Variants in KRR1 observed in about 807,000 individuals in gnomAD.
KRR1 encodes the protein KRR1 small subunit processome component.
Under a neutral mutation model 50.0 loss-of-function variants are expected in KRR1, and 23 were observed. The ratio of observed to expected loss-of-function variants is 0.46; its 90% CI spans 0.33 to 0.65. The LOEUF is 0.65. Among genes scored for constraint, KRR1 ranks in the 30% least tolerant of loss-of-function variants. The pLI, the probability that KRR1 is intolerant of heterozygous loss-of-function variation, is 0.02. For missense variants in KRR1, 419 were observed against 442.4 expected, an observed-to-expected ratio of 0.95 and a Z score of 0.47; for synonymous variants, 133 against 146.3, an observed-to-expected ratio of 0.91 and a Z score of 0.66.
intron 9 of KRR1, chr12:75,500,469 A>T (rs1352906427): frequency 1.4e-5 from 2 of 143,136 alleles, no homozygotes; most frequent in Non-Finnish European, 3.1e-5. Context: ...ATATTAATTC[A>T]ATATTAATTG....
intron 9 of KRR1, chr12:75,500,342 A>ATTAAAATAATT (rs1323829634): frequency 6.5e-6 from 1 of 152,874 alleles, no homozygotes; most frequent in African/African-American, 2.4e-5. Context: ...CATCTTGCAC[A>ATTAAAATAATT]TTAAAATAAT....
intron 1 of KRR1, 134 bp downstream of exon 1, chr12:75,511,379 A>C: frequency 2.7e-6 from 2 of 748,778 alleles, no homozygotes; most frequent in Middle Eastern, 2.4e-4. Flanking sequence ...CCAAAATCTT[A>C]TCAGCGATTA....
Position 75,499,030 on chromosome 12 carries a change from T to G in KRR1, c.*779A>C. The stretch of plus-strand genomic sequence containing the variant: ...AAACCAACCTCATTCACATATGGCT[T>G]TTTTTTTAACCAATAACAATTAGGT... On this transcript the variant is annotated 3_prime_UTR_variant, in exon 10 of 10. Transcript: ENST00000229214. 7.9e-7 allele frequency: 1 copy of G among 1,259,584 alleles called. No homozygotes were observed. The highest frequency in any genetic ancestry group is 1.1e-6 in the Non-Finnish European group (1 of 920,618). The allele number at this position is 1,259,584 out of a possible 1,614,324, so 78.0% of individuals were successfully genotyped here.
At chr12:75,507,711 A>C (rs1474962943) in intron 2 of KRR1, among the ~76,000 whole-genome samples, 2 of 152,044 alleles carry the variant, frequency 1.3e-5, no homozygotes, top group African/African-American at 4.8e-5. Flanking sequence ...CACACACACA[A>C]ACAAAGCCAA....
rs2046347099 is a variant in KRR1 at position 75,495,809 on chromosome 12, T to G, written c.*4000A>C. On this transcript the variant is annotated 3_prime_UTR_variant, in exon 10 of 10. Transcript: ENST00000229214. ...AGCAATTAAACCAATGGCTTACTGT[T>G]CTAGGAATACATTTAAGAGAAATTT... 1 of 507,046 alleles carries G rather than the reference T, an allele frequency of 2.0e-6. No homozygotes were observed. Among genetic ancestry groups the G allele is most frequent in the African/African-American group, 2.0e-5 (1 of 50,674 alleles). The allele number at this position is 507,046 out of a possible 1,614,324, so 31.4% of individuals were successfully genotyped here.
Position 75,500,207 on chromosome 12 carries a change from A to G in KRR1, c.1004-256T>C, listed in dbSNP as rs568631196. The G allele has an allele frequency of 2.9e-5, 7 of 238,784 alleles. No individual in the cohort carries two copies. The East Asian group carries it at 6.2e-4, about 21-fold the overall frequency. 14.8% of individuals were successfully genotyped at this position (238,784 alleles called of 1,614,324 possible). A position where few individuals can be genotyped will look rare whatever the true frequency, so the allele number is the denominator to read the frequency against. ...ACAAGTATACATAAAAATGGCATAAATGGCATAATTGAACCAATTACTGGA... is the reference window on the plus strand; with the variant it reads ...ACAAGTATACATAAAAATGGCATAAGTGGCATAATTGAACCAATTACTGGA... On this transcript the variant is annotated intron_variant, in intron 9 of 9. Transcript: ENST00000229214.
In KRR1 at chr12:75,499,770, A is replaced by G; in HGVS notation, c.*39T>C. 6.7e-7 allele frequency: 1 copy of G among 1,495,868 alleles called. No homozygotes were observed. Among genetic ancestry groups the G allele is most frequent in the Non-Finnish European group, 9.0e-7 (1 of 1,115,928 alleles). The allele number at this position is 1,495,868 out of a possible 1,614,324, so 92.7% of individuals were successfully genotyped here. A position where few individuals can be genotyped will look rare whatever the true frequency, so the allele number is the denominator to read the frequency against. Reference sequence around the variant, plus strand: ...AATGCCTGATATCTCAAAATCCTTTACAAAAGGAGATAGTTCTAGTCAAGG... The same window carrying G: ...AATGCCTGATATCTCAAAATCCTTTGCAAAAGGAGATAGTTCTAGTCAAGG... On this transcript the variant is annotated 3_prime_UTR_variant, in exon 10 of 10. Transcript: ENST00000229214.
chr12:75,505,817 A>G (rs1410408291), intron 5 of KRR1, among the ~76,000 whole-genome samples: 1 of 152,112 alleles, frequency 6.6e-6, no homozygotes, highest in Non-Finnish European at 1.5e-5. Flanking sequence ...AGATTTCCTC[A>G]CCACATGTAA....
Position 75,506,980 on chromosome 12 carries a change from C to T in KRR1, c.259-64G>A, listed in dbSNP as rs1485515729. Reference sequence around the variant, plus strand: ...TGAGTTTTTTTAGATAATTATAAAGCCTCTCCTAACCAACCTATTAATTTC... The same window carrying T: ...TGAGTTTTTTTAGATAATTATAAAGTCTCTCCTAACCAACCTATTAATTTC... On this transcript the variant is annotated intron_variant, in intron 2 of 9. Coordinates refer to ENST00000229214, the MANE Select transcript of KRR1 (RefSeq NM_007043.7). 20 of 1,348,734 alleles carry T rather than the reference C, an allele frequency of 1.5e-5. No homozygotes were observed. The East Asian group carries it at 4.2e-4, about 28-fold the overall frequency. 83.5% of individuals were successfully genotyped at this position (1,348,734 alleles called of 1,614,324 possible). A position where few individuals can be genotyped will look rare whatever the true frequency, so the allele number is the denominator to read the frequency against.
In KRR1 at chr12:75,508,307, A is replaced by C; in HGVS notation, c.225T>G (p.Cys75Trp). The C allele has an allele frequency of 1.2e-6, 2 of 1,613,112 alleles. No individual in the cohort carries two copies. Among genetic ancestry groups the C allele is most frequent in the South Asian group, 2.2e-5 (2 of 90,944 alleles). The stretch of plus-strand genomic sequence containing the variant: ...TTAAGGCTTTCTGCACCAATGGCCA[A>C]CACTCTTTCAAGTAAGCTTCCCTGT... Reference protein sequence around the residue: ...PKYREAYLKECWPLVQKALNE... With the variant: ...PKYREAYLKEWWPLVQKALNE... Residue 75 changes from cysteine to tryptophan, a missense_variant, in exon 2 of 10, where the codon TGT (cysteine) becomes TGG (tryptophan). Transcript: ENST00000229214.
chr12:75,502,288 G>A (rs564342173), intron 7 of KRR1: 10 of 261,196 alleles, frequency 3.8e-5, no homozygotes, highest in Non-Finnish European at 6.5e-5. Flanking sequence ...GAGAGTTTTG[G>A]GGAAAATTTG....
chr12:75,494,211 T>G lies in KRR1; in HGVS notation c.*5598A>C, dbSNP rs2046337959. 1 of 152,224 alleles carries G rather than the reference T, an allele frequency of 6.6e-6. No individual in the cohort carries two copies. Among genetic ancestry groups the G allele is most frequent in the Non-Finnish European group, 1.5e-5 (1 of 68,034 alleles). 9.4% of individuals were successfully genotyped at this position (152,224 alleles called of 1,614,324 possible). On this transcript the variant is annotated 3_prime_UTR_variant, in exon 10 of 10. Transcript: ENST00000229214. ...AAAGTTGTGTGTCTAAGGTGAGAGT[T>G]CTCAACTTTGGAGGTAATTGTAGAG...
chr12:75,506,747 C>CA, intron 3 of KRR1, 35 bp downstream of exon 3: 1 of 1,593,112 alleles, frequency 6.3e-7, no homozygotes, highest in Non-Finnish European at 8.5e-7. Context: ...AACACTGATG[C>CA]AAACAAAGCA....
Position 75,505,178 on chromosome 12 carries a change from T to C in KRR1, c.660+20A>G, listed in dbSNP as rs753706459. 2.2e-5 allele frequency: 33 copies of C among 1,530,810 alleles called. No individual in the cohort carries two copies. The highest frequency in any genetic ancestry group is 2.8e-5 in the Non-Finnish European group (31 of 1,121,376). The allele number at this position is 1,530,810 out of a possible 1,614,324, so 94.8% of individuals were successfully genotyped here. On this transcript the variant is annotated intron_variant, in intron 6 of 9. Transcript: ENST00000229214. ...GAAGTATGATAATCACTGGTACAGT[T>C]ATATATAATTACCACTCACTTTAAT... is the stretch of plus-strand genomic sequence containing the variant.
rs138249204 is a variant in KRR1, at chr12:75,495,725, A to G, written c.*4084T>C. 4.3e-4 allele frequency: 413 copies of G among 965,940 alleles called. 2 individuals are homozygous for G. The East Asian group carries it at 7.2e-3, about 17-fold the overall frequency. The allele number at this position is 965,940 out of a possible 1,614,324, so 59.8% of individuals were successfully genotyped here. On this transcript the variant is annotated 3_prime_UTR_variant, in exon 10 of 10. Coordinates refer to ENST00000229214, the MANE Select transcript of KRR1 (RefSeq NM_007043.7). ...ATAGTAACATGTAACTTTCTACAGA[A>G]TTAACAATGAAACCATGTTTTATCT...
chr12:75,511,459 A>C, intron 1 of KRR1, 54 bp downstream of exon 1: 1 of 1,487,318 alleles, frequency 6.7e-7, no homozygotes, highest in Non-Finnish European at 9.4e-7. Context: ...AAAGAAAAAA[A>C]CATCGCAACT....
Position 75,499,801 on chromosome 12 carries a change from T to C in KRR1, c.*8A>G, listed in dbSNP as rs780825933. 17 of 1,592,656 alleles carry C rather than the reference T, an allele frequency of 1.1e-5. No homozygotes were observed. The Admixed American group carries it at 1.8e-4, about 16-fold the overall frequency. Reference sequence around the variant, plus strand: ...GGAGATAGTTCTAGTCAAGGAGTTTTGGGTATGTTACTTTTTTTTCTTCTT... The same window carrying C: ...GGAGATAGTTCTAGTCAAGGAGTTTCGGGTATGTTACTTTTTTTTCTTCTT... On this transcript the variant is annotated 3_prime_UTR_variant, in exon 10 of 10. Coordinates refer to ENST00000229214, the MANE Select transcript of KRR1 (RefSeq NM_007043.7).
Position 75,501,936 on chromosome 12 carries a change from A to AT in KRR1, c.895dup (p.Met299AsnfsTer7). 6.2e-7 allele frequency: 1 copy of AT among 1,612,464 alleles called. No individual in the cohort carries two copies. Among genetic ancestry groups the AT allele is most frequent in the East Asian group, 2.2e-5 (1 of 44,806 alleles). On this transcript the variant is annotated frameshift_variant, in exon 8 of 10. Transcript: ENST00000229214. LOFTEE classifies it high-confidence loss of function. ...AAAGTGCCGTACCTTTATTGCTTCCATTTTCTGCCGCTTCTTCTGATTTGC... is the reference window on the plus strand; with the variant it reads ...AAAGTGCCGTACCTTTATTGCTTCCATTTTTCTGCCGCTTCTTCTGATTTGC...
intron 7 of KRR1, 157 bp downstream of exon 7, chr12:75,503,747 C>T: frequency 1.7e-6 from 1 of 597,142 alleles, no homozygotes. Context: ...TCAAAATATG[C>T]CTATTTATAT....
Sources: gnomAD v4.1 joint callset for allele counts (sites outside exome capture counted in the v4.1 genomes callset) on GRCh38, gnomAD v4.1.1 for gene constraint, MANE v1.5 for transcripts, NCBI Gene and HGNC (gene_info 2026-07-23, HGNC 2026-07-21) for gene names.